Variants in SLC48A1 observed in about 807,000 individuals in gnomAD.
The protein encoded by SLC48A1 is heme transporter HRG1.
SLC48A1 carries 6 observed loss-of-function variants against 14.8 expected under a neutral mutation model. The observed-to-expected ratio is 0.41, with a 90% CI of 0.22 to 0.80. SLC48A1 has a LOEUF of 0.80. SLC48A1 is among the 30% of genes least tolerant of loss of function. The pLI is 0.34. For missense variants in SLC48A1, 165 were observed against 204.8 expected (o/e 0.81, Z 1.19); for synonymous variants, 89 against 90.0 (o/e 0.99, Z 0.06).
At chr12:47,763,686 A>G (rs1015714256) in intron 2 of SLC48A1, among the ~76,000 whole-genome samples, 8 of 152,176 alleles carry the variant, frequency 5.3e-5, no homozygotes, top group Non-Finnish European at 1.0e-4. Context: ...ATGGGCCCCA[A>G]GCCAAACCTT....
At chr12:47,773,180 G>C (rs1421154859), upstream of SLC48A1, 1 of 989,872 alleles carries the variant, frequency 1.0e-6, no homozygotes, top group South Asian at 4.5e-5. Context: ...CTGGGGGCGG[G>C]CCGGGGGCGG....
In SLC48A1 at chr12:47,777,248, G is replaced by C. The variant is rs1482126938; in HGVS notation, c.137-1780G>C. 1.3e-5 allele frequency among the ~76,000 whole-genome samples: 2 copies of C among 152,206 alleles called. No individual in the cohort carries two copies. Among genetic ancestry groups the C allele is most frequent in the African/African-American group, 2.4e-5 (1 of 41,464 alleles). The stretch of plus-strand genomic sequence containing the variant: ...TCCAGCATCCAGACTAGGTGGGGAG[G>C]AACAGATGCTTGTCCTGGCCCACCC... On this transcript the variant is annotated intron_variant, in intron 1 of 2. Transcript: ENST00000442218. The surrounding 1 kb of genome is among the most constrained non-coding windows in gnomAD (Gnocchi z 4.5).
chr12:47,779,049 T>A lies in SLC48A1; in HGVS notation c.158T>A (p.Leu53Gln). 6.4e-7 allele frequency: 1 copy of A among 1,551,762 alleles called. No individual in the cohort carries two copies. Residue 53 changes from leucine (L) to glutamine (Q), a missense_variant, in exon 2 of 3, where the codon CTG becomes CAG. Transcript: ENST00000442218. The stretch of plus-strand genomic sequence containing the variant: ...GCAGGGGTGCTGGCACTGTGGGTCC[T>A]GGTGACGCACGTGATGTACATGCAA... ...GLAGVLALWVLVTHVMYMQDY... is the reference protein window; with the variant it reads ...GLAGVLALWVQVTHVMYMQDY...
Position 47,773,283 on chromosome 12 carries a change from G to A in SLC48A1, c.-22G>A, listed in dbSNP as rs1356149456. On this transcript the variant is annotated 5_prime_UTR_variant, in exon 1 of 3. Transcript: ENST00000442218. ...TGACTCTCGGCCGCGCTCGCCCTCG[G>A]CCCGCCCGGCGCCGCAGCCCCATGG... 1.6e-5 allele frequency: 23 copies of A among 1,398,484 alleles called. No homozygotes were observed. Among genetic ancestry groups the A allele is most frequent in the Middle Eastern group, 2.6e-4 (1 of 3,840 alleles). 86.6% of individuals were successfully genotyped at this position (1,398,484 alleles called of 1,614,324 possible). A position where few individuals can be genotyped will look rare whatever the true frequency, so the allele number is the denominator to read the frequency against.
At position 47,773,424 on chromosome 12, in the gene SLC48A1, C is replaced by G. The variant is rs918938876; in HGVS notation, c.120C>G (p.Ala40=). 5 of 1,430,226 alleles carry G rather than the reference C, an allele frequency of 3.5e-6. No individual in the cohort carries two copies. Among genetic ancestry groups the G allele is most frequent in the Non-Finnish European group, 4.6e-6 (5 of 1,085,164 alleles). The allele number at this position is 1,430,226 out of a possible 1,614,324, so 88.6% of individuals were successfully genotyped here. The stretch of plus-strand genomic sequence containing the variant: ...TCTACCGACAGCCGGGGACCGCGGC[C>G]ATGGGAGGGCTCGCAGGTACCCCGG... The part of the protein sequence containing the change: ...TVVYRQPGTA[A]MGGLAGVLAL... The change falls in exon 1 of 3, where the codon GCC becomes GCG. Residue 40 remains alanine (A), a synonymous_variant. Coordinates refer to ENST00000442218, the MANE Select transcript of SLC48A1 (RefSeq NM_017842.3).
chr12:47,779,081 T>G lies in SLC48A1; in HGVS notation c.190T>G (p.Trp64Gly), dbSNP rs2136870086. The G allele has an allele frequency of 6.4e-7, 1 of 1,551,792 alleles. No homozygotes were observed. Among genetic ancestry groups the G allele is most frequent in the Non-Finnish European group, 8.7e-7 (1 of 1,147,018 alleles). ...GCACGTGATGTACATGCAAGATTAT[T>G]GGAGGACCTGGCTCAAGGGGCTGCG... ...VTHVMYMQDY[W>G]RTWLKGLRGF... is the part of the protein sequence containing the mutation. The change falls in exon 2 of 3, where the codon TGG becomes GGG. Residue 64 changes from tryptophan to glycine, a missense_variant. Physicochemically the swap from Trp to Gly is radical, Grantham distance 184. Transcript: ENST00000442218.
At chr12:47,758,028 A>C (rs201883256), upstream of SLC48A1, 1 of 1,576,910 alleles carries the variant, frequency 6.3e-7, no homozygotes, top group Non-Finnish European at 8.6e-7. Context: ...GAGCTGGGCT[A>C]TCCTCCACAG....
intron 1 of SLC48A1, 160 bp from the exon 2 acceptor site, chr12:47,778,868 G>T: frequency 1.3e-6 from 1 of 792,104 alleles, no homozygotes; most frequent in Non-Finnish European, 1.9e-6. Flanking sequence ...TCTCTTACCT[G>T]CTTCTGATAT....
chr12:47,776,615 C>T lies in SLC48A1; in HGVS notation c.137-2413C>T, dbSNP rs531419002. ...GATGTGTGTTTATCTGGAGGGGAGG[C>T]CTCTGTGCAGGGCCTGGAGCAAGGT... On this transcript the variant is annotated intron_variant, in intron 1 of 2. Coordinates refer to ENST00000442218, the MANE Select transcript of SLC48A1 (RefSeq NM_017842.3). 1.1e-3 allele frequency among the ~76,000 whole-genome samples: 164 copies of T among 152,268 alleles called. 2 individuals are homozygous for T. Among genetic ancestry groups the T allele is most frequent in the Admixed American group, 1.7e-3 (26 of 15,296 alleles).
chr12:47,782,665 C>T lies in SLC48A1; in HGVS notation c.*2384C>T, dbSNP rs574248207. Reference sequence around the variant, plus strand: ...CACACTGTGCCGTGCAGCTGTGTGCCCTGCACACCCGCTTGACGGCGCACT... The same window carrying T: ...CACACTGTGCCGTGCAGCTGTGTGCTCTGCACACCCGCTTGACGGCGCACT... On this transcript the variant is annotated 3_prime_UTR_variant, in exon 3 of 3. Transcript: ENST00000442218. 6.6e-6 allele frequency: 1 copy of T among 152,404 alleles called. No homozygotes were observed. Among genetic ancestry groups the T allele is most frequent in the South Asian group, 2.1e-4 (1 of 4,832 alleles). 9.4% of individuals were successfully genotyped at this position (152,404 alleles called of 1,614,324 possible). A position where few individuals can be genotyped will look rare whatever the true frequency, so the allele number is the denominator to read the frequency against.
chr12:47,765,476 A>C (rs542357664), intron 2 of SLC48A1, among the ~76,000 whole-genome samples: 2 of 152,294 alleles, frequency 1.3e-5, no homozygotes, highest in East Asian at 1.9e-4. Context: ...TGCCTAACAC[A>C]CTGCAGGGCT....
intron 2 of SLC48A1, among the ~76,000 whole-genome samples, chr12:47,763,087 G>C (rs530890876): frequency 1.7e-4 from 26 of 152,222 alleles, no homozygotes; most frequent in African/African-American, 6.3e-4. Flanking sequence ...AAATGAACAG[G>C]AACAGTGGGC....
Position 47,780,426 on chromosome 12 carries a change from A to G in SLC48A1, c.*145A>G, listed in dbSNP as rs946724996. On this transcript the variant is annotated 3_prime_UTR_variant, in exon 3 of 3. Transcript: ENST00000442218. Reference sequence around the variant, plus strand: ...AGCAGGACGAGTGTGGTCTCCCAGGAAGCTGTCCTGCCCGTCCCCTTTCGA... The same window carrying G: ...AGCAGGACGAGTGTGGTCTCCCAGGGAGCTGTCCTGCCCGTCCCCTTTCGA... 7.7e-7 allele frequency: 1 copy of G among 1,298,542 alleles called. No individual in the cohort carries two copies. The highest frequency in any genetic ancestry group is 1.1e-6 in the Non-Finnish European group (1 of 892,852). The allele number at this position is 1,298,542 out of a possible 1,614,324, so 80.4% of individuals were successfully genotyped here.
chr12:47,757,970 T>TC, upstream of SLC48A1: 5 of 1,564,052 alleles, frequency 3.2e-6, no homozygotes, highest in Non-Finnish European at 4.3e-6. Flanking sequence ...TTGAGTAGTG[T>TC]CCCCTCCGGC....
chr12:47,776,339 G>A (rs1019881326), intron 1 of SLC48A1, among the ~76,000 whole-genome samples: 4 of 152,250 alleles, frequency 2.6e-5, no homozygotes, highest in African/African-American at 7.2e-5. Context: ...TCTGGTGTGG[G>A]CTTGCAGCCA....
intron 2 of SLC48A1, 102 bp downstream of exon 2, chr12:47,779,297 G>A (rs1942815274): frequency 2.1e-6 from 3 of 1,405,358 alleles, no homozygotes; most frequent in Non-Finnish European, 2.8e-6. Context: ...AAGAGACTGG[G>A]TGAATTACTT....
rs74085216 is a variant in SLC48A1 at position 47,780,054 on chromosome 12, T to C, written c.305-91T>C. On this transcript the variant is annotated intron_variant, in intron 2 of 2. Transcript: ENST00000442218. ...AGCTGCCAGGACGTTGCAGGGATGT[T>C]GAGTGGGGAGGGTGGCCCTGGCCTT... The C allele has an allele frequency of 3.9e-3, 5,485 of 1,422,516 alleles. 166 individuals carry two copies. The African/African-American group carries it at 0.069, about 18-fold the overall frequency. The allele number at this position is 1,422,516 out of a possible 1,614,324, so 88.1% of individuals were successfully genotyped here. A position where few individuals can be genotyped will look rare whatever the true frequency, so the allele number is the denominator to read the frequency against.
At chr12:47,767,699 G>A (rs896604881), upstream of SLC48A1, among the ~76,000 whole-genome samples, 1 of 152,226 alleles carries the variant, frequency 6.6e-6, no homozygotes, top group Non-Finnish European at 1.5e-5. Flanking sequence ...CTCTGAGGAG[G>A]TAACATTTGA....
chr12:47,757,833 G>C (rs1229242725), upstream of SLC48A1: 1 of 1,531,558 alleles, frequency 6.5e-7, no homozygotes, highest in Non-Finnish European at 8.8e-7. Flanking sequence ...TCTGGTACTG[G>C]CCCTGGCACC....
Sources: allele counts gnomAD v4.1 joint callset (sites outside exome capture counted in the v4.1 genomes callset), GRCh38; gene constraint gnomAD v4.1.1; non-coding constraint Gnocchi (gnomAD v3.1); transcripts MANE v1.5; gene names NCBI Gene and HGNC (gene_info 2026-07-23, HGNC 2026-07-21).